TMTC1: variants seen among roughly 807,000 people sequenced by gnomAD.
The protein encoded by TMTC1 is transmembrane O-mannosyltransferase targeting cadherins 1, also known as protein O-mannosyl-transferase TMTC1.
Under a neutral mutation model 104.8 loss-of-function variants are expected in TMTC1, and 73 were observed. The observed-to-expected ratio is 0.70, with a 90% CI of 0.58 to 0.85. The LOEUF is 0.85. Ranked by LOEUF, TMTC1 falls within the 40% of genes least tolerant of loss-of-function variation. TMTC1 has a pLI of 0.00. For missense variants in TMTC1, 1,035 were observed against 1,096.1 expected, an observed-to-expected ratio of 0.94 and a Z score of 0.79; for synonymous variants, 434 against 428.7, an observed-to-expected ratio of 1.01 and a Z score of -0.15.
At chr12:29,587,689 C>T (rs953875742) in intron 7 of TMTC1, among the ~76,000 whole-genome samples, 2 of 152,160 alleles carry the variant, frequency 1.3e-5, no homozygotes, top group African/African-American at 2.4e-5. Flanking sequence ...TAAAGCCATC[C>T]TATATTGGAG....
At chr12:29,755,650 A>C in intron 4 of TMTC1, 59 bp downstream of exon 4, 1 of 1,166,580 alleles carries the variant, frequency 8.6e-7, no homozygotes, top group South Asian at 1.6e-5. Flanking sequence ...GGAAACTATT[A>C]AGTAATTTTT....
intron 2 of TMTC1, among the ~76,000 whole-genome samples, 178 bp downstream of exon 2, chr12:29,767,720 C>T (rs1449704506): frequency 1.3e-5 from 2 of 152,068 alleles, no homozygotes; most frequent in Non-Finnish European, 2.9e-5. Context: ...AGAGTGAACT[C>T]ATATGTTTTT....
intron 10 of TMTC1, among the ~76,000 whole-genome samples, chr12:29,555,133 C>CATTT (rs1432538057): frequency 4.9e-5 from 2 of 40,932 alleles, no homozygotes; most frequent in African/African-American, 8.0e-5. Context: ...GTTCCAACAT[C>CATTT]CTTTTTTTTT....
intron 12 of TMTC1, chr12:29,519,324 A>T (rs1466562334): frequency 6.6e-6 from 1 of 152,194 alleles, no homozygotes; most frequent in Non-Finnish European, 1.5e-5. Context: ...ACACACAAAA[A>T]TTTTCCACTT....
intron 5 of TMTC1, among the ~76,000 whole-genome samples, chr12:29,725,282 C>A (rs945788765): frequency 6.6e-6 from 1 of 151,872 alleles, no homozygotes; most frequent in South Asian, 2.1e-4. Context: ...CCACCTTGCC[C>A]TCCGAAAGTG....
At chr12:29,716,245 C>T (rs1942078171) in intron 5 of TMTC1, among the ~76,000 whole-genome samples, 1 of 152,036 alleles carries the variant, frequency 6.6e-6, no homozygotes, top group Admixed American at 6.6e-5. Context: ...TGGTCTTGAA[C>T]TGCTGGCTTC....
At chr12:29,508,804 C>T (rs554779333) in intron 17 of TMTC1, among the ~76,000 whole-genome samples, 60 of 152,204 alleles carry the variant, frequency 3.9e-4, no homozygotes, top group South Asian at 2.7e-3. Flanking sequence ...TCTCAAACCC[C>T]CGACCTCAGG....
rs549847348 is a variant in TMTC1, at chr12:29,550,909, G to T, written c.1676+5948C>A. Among the ~76,000 whole-genome samples, 109 of 123,848 alleles carry T rather than the reference G, an allele frequency of 8.8e-4. 1 individual carries two copies. The highest frequency in any genetic ancestry group is 9.8e-3 in the Middle Eastern group (2 of 204). The allele number at this position is 123,848 out of a possible 152,430, so 81.2% of individuals were successfully genotyped here. ...AGATTGCATCACTGCACTCCAGCCT[G>T]GGGGAGAGAGTGGGACTCCATCTCA... On this transcript the variant is annotated intron_variant, in intron 10 of 17. Coordinates refer to ENST00000539277, the MANE Select transcript of TMTC1 (RefSeq NM_001193451.2).
intron 9 of TMTC1, among the ~76,000 whole-genome samples, chr12:29,569,893 G>A (rs564798467): frequency 6.6e-6 from 1 of 152,264 alleles, no homozygotes; most frequent in African/African-American, 2.4e-5. Context: ...AGTTGCTGAA[G>A]CAAACATTTA....
chr12:29,779,869 G>A (rs1281178628), intron 1 of TMTC1, among the ~76,000 whole-genome samples: 1 of 151,984 alleles, frequency 6.6e-6, no homozygotes, highest in Non-Finnish European at 1.5e-5. Flanking sequence ...AGACACAAAG[G>A]CACATTTACC....
At chr12:29,648,308 G>A (rs1195875381) in intron 5 of TMTC1, among the ~76,000 whole-genome samples, 2 of 152,088 alleles carry the variant, frequency 1.3e-5, no homozygotes, top group African/African-American at 4.8e-5. Flanking sequence ...AATTCTTAAG[G>A]CCCCTCCATG....
chr12:29,644,686 C>G (rs1295360799), intron 5 of TMTC1, among the ~76,000 whole-genome samples: 1 of 152,098 alleles, frequency 6.6e-6, no homozygotes, highest in African/African-American at 2.4e-5. Context: ...TGCTCCACCT[C>G]CACCCTCTGC....
At chr12:29,679,385 C>A (rs1940837086) in intron 5 of TMTC1, among the ~76,000 whole-genome samples, 1 of 151,920 alleles carries the variant, frequency 6.6e-6, no homozygotes, top group Non-Finnish European at 1.5e-5. Context: ...CTTCTATAGT[C>A]AGAACAAAAG....
chr12:29,682,520 T>C (rs377018826), intron 5 of TMTC1, among the ~76,000 whole-genome samples: 4 of 152,226 alleles, frequency 2.6e-5, no homozygotes, highest in African/African-American at 9.6e-5. Flanking sequence ...AGTCTGTGAA[T>C]GGTTAAACAA....
At chr12:29,702,193 C>A (rs1262543514) in intron 5 of TMTC1, among the ~76,000 whole-genome samples, 1 of 152,146 alleles carries the variant, frequency 6.6e-6, no homozygotes, top group African/African-American at 2.4e-5. Flanking sequence ...TAAATTCTAC[C>A]TGTTTAATTT....
intron 5 of TMTC1, among the ~76,000 whole-genome samples, chr12:29,707,649 T>C (rs1941784231): frequency 6.6e-6 from 1 of 152,206 alleles, no homozygotes; most frequent in African/African-American, 2.4e-5. Context: ...TTTTCCATTA[T>C]CCTTGGGTTG....
At chr12:29,514,754 A>G in intron 15 of TMTC1, 150 bp from the exon 16 acceptor site, 1 of 801,656 alleles carries the variant, frequency 1.2e-6, no homozygotes, top group Non-Finnish European at 1.9e-6. Flanking sequence ...CGTAGTGGCT[A>G]ATGGCTGTAA....
intron 1 of TMTC1, among the ~76,000 whole-genome samples, chr12:29,770,869 T>A (rs899274315): frequency 2.0e-5 from 3 of 152,100 alleles, no homozygotes; most frequent in East Asian, 3.9e-4. Context: ...GGAGATAATA[T>A]GGGTTCACAA....
intron 9 of TMTC1, among the ~76,000 whole-genome samples, chr12:29,562,593 A>G (rs778311407): frequency 2.6e-5 from 4 of 152,206 alleles, no homozygotes; most frequent in Non-Finnish European, 5.9e-5. Flanking sequence ...ATAGATAGGA[A>G]ACTGCTTTGG....
Sources: allele counts gnomAD v4.1 joint callset (sites outside exome capture counted in the v4.1 genomes callset), GRCh38; gene constraint gnomAD v4.1.1; transcripts MANE v1.5; gene names NCBI Gene and HGNC (gene_info 2026-07-23, HGNC 2026-07-21).